Variants in NDUFA10 observed in about 807,000 individuals in gnomAD.
NDUFA10 encodes NADH:ubiquinone oxidoreductase subunit A10, also known as NADH dehydrogenase [ubiquinone] 1 alpha subcomplex subunit 10, mitochondrial.
In NDUFA10, 40 loss-of-function variants were observed where a neutral mutation model predicts 47.8. That is an observed-to-expected ratio of 0.84 (90% CI 0.65 to 1.09). The LOEUF (loss-of-function observed/expected upper bound fraction) is 1.09. Among genes scored for constraint, NDUFA10 ranks in the 50% least tolerant of loss-of-function variants. NDUFA10 has a pLI of 0.00. For synonymous variants in NDUFA10, 183 were observed against 172.2 expected (o/e 1.06, Z -0.49); for missense variants, 413 against 451.1 (o/e 0.92, Z 0.76).
chr2:240,017,970 G>GTCC, intron 4 of NDUFA10: 1 of 1,374,616 alleles, frequency 7.3e-7, no homozygotes, highest in Admixed American at 2.0e-5. Flanking sequence ...GCCCAACACA[G>GTCC]TCCTAGTCAC....
chr2:239,960,798 AT>A lies in NDUFA10; in HGVS notation c.*319del. On this transcript the variant is annotated 3_prime_UTR_variant, in exon 10 of 10. Coordinates refer to ENST00000252711, the MANE Select transcript of NDUFA10 (RefSeq NM_004544.4). ...AAGAAAAACAATGTGCACAACCTGA[AT>A]GACACAGAGCGGCAGCGCTGAAACC... The A allele has an allele frequency of 7.9e-7, 1 of 1,272,182 alleles. No individual in the cohort carries two copies. Among genetic ancestry groups the A allele is most frequent in the Non-Finnish European group, 1.0e-6 (1 of 995,758 alleles). The allele number at this position is 1,272,182 out of a possible 1,614,324, so 78.8% of individuals were successfully genotyped here.
chr2:240,004,561 T>C (rs1696868309), intron 8 of NDUFA10, among the ~76,000 whole-genome samples: 1 of 151,610 alleles, frequency 6.6e-6, no homozygotes, highest in Admixed American at 6.6e-5. Context: ...TCCTGCCCTC[T>C]TCCACCGCGG....
intron 4 of NDUFA10, among the ~76,000 whole-genome samples, chr2:239,931,621 AC>A (rs750150931): frequency 2.3e-4 from 35 of 152,158 alleles, no homozygotes; most frequent in Admixed American, 2.6e-4. Context: ...AGTGCTTGGC[AC>A]ACAGCAGGTG....
At chr2:239,969,002 G>A (rs1004866132) in intron 9 of NDUFA10, among the ~76,000 whole-genome samples, 1 of 152,202 alleles carries the variant, frequency 6.6e-6, no homozygotes, top group Non-Finnish European at 1.5e-5. Context: ...TGACTTGCAA[G>A]TACCTTAACT....
At chr2:240,024,000 C>T (rs1697749871) in intron 1 of NDUFA10, among the ~76,000 whole-genome samples, 1 of 152,248 alleles carries the variant, frequency 6.6e-6, no homozygotes, top group African/African-American at 2.4e-5. Flanking sequence ...TGCTGGCGAG[C>T]ACGCAGAGCA....
chr2:239,972,146 T>C (rs893285921), intron 9 of NDUFA10, among the ~76,000 whole-genome samples: 2 of 46,352 alleles, frequency 4.3e-5, no homozygotes, highest in Non-Finnish European at 8.7e-5. Context: ...GATGTGTGTG[T>C]GTGTGTGTGT....
intron 4 of NDUFA10, among the ~76,000 whole-genome samples, chr2:239,932,704 C>T (rs560597204): frequency 1.3e-4 from 20 of 152,186 alleles, no homozygotes; most frequent in South Asian, 1.0e-3. Flanking sequence ...CTCAGCCTCC[C>T]GAGTAGCTGG....
At chr2:239,920,894 T>G (rs1452879446) in intron 4 of NDUFA10, among the ~76,000 whole-genome samples, 2 of 152,100 alleles carry the variant, frequency 1.3e-5, no homozygotes, top group African/African-American at 4.8e-5. Flanking sequence ...CCTTTAATCT[T>G]TGGGCAACCC....
chr2:240,021,129 T>G (rs755799787), intron 3 of NDUFA10, 68 bp downstream of exon 3: 8 of 1,393,164 alleles, frequency 5.7e-6, no homozygotes, highest in South Asian at 1.2e-5. Context: ...CAGTGGCAAT[T>G]TAACGTGGTT....
intron 1 of NDUFA10, among the ~76,000 whole-genome samples, chr2:240,022,573 C>T (rs1559410476): frequency 6.6e-6 from 1 of 151,942 alleles, no homozygotes; most frequent in Non-Finnish European, 1.5e-5. Flanking sequence ...AATCCTCAGG[C>T]CCTGGAACAA....
chr2:239,919,524 T>G (rs575737185), intron 4 of NDUFA10, among the ~76,000 whole-genome samples: 1 of 94,668 alleles, frequency 1.1e-5, no homozygotes, highest in Non-Finnish European at 2.0e-5. Flanking sequence ...CGGGGTAAGT[T>G]GAAGGAATAA....
intron 4 of NDUFA10, among the ~76,000 whole-genome samples, chr2:239,911,179 C>T (rs1429114200): frequency 6.6e-6 from 1 of 152,222 alleles, no homozygotes; most frequent in Non-Finnish European, 1.5e-5. Flanking sequence ...AGCAACACCA[C>T]TTACTACTGT....
At position 239,959,925 on chromosome 2, in the gene NDUFA10, C is replaced by T. The variant is rs2106391648; in HGVS notation, c.*1193G>A. 1 of 985,478 alleles carries T rather than the reference C, an allele frequency of 1.0e-6. No homozygotes were observed. The highest frequency in any genetic ancestry group is 1.2e-6 in the Non-Finnish European group (1 of 829,946). 61.0% of individuals were successfully genotyped at this position (985,478 alleles called of 1,614,324 possible). A position where few individuals can be genotyped will look rare whatever the true frequency, so the allele number is the denominator to read the frequency against. On this transcript the variant is annotated 3_prime_UTR_variant, in exon 10 of 10. Transcript: ENST00000252711. ...CTTCGCATGCTCCGCAGCAGCGAGGCCTGGTAGAGCTTCCGCGGGGAGCAG... is the reference window on the plus strand; with the variant it reads ...CTTCGCATGCTCCGCAGCAGCGAGGTCTGGTAGAGCTTCCGCGGGGAGCAG...
At chr2:240,022,480 G>T (rs1574903497) in intron 1 of NDUFA10, 140 bp from the exon 2 acceptor site, 1 of 1,294,718 alleles carries the variant, frequency 7.7e-7, no homozygotes, top group Non-Finnish European at 1.1e-6. Context: ...CTATTAATTT[G>T]TTTAATTATC....
At chr2:239,963,317 G>A (rs150627598) in intron 9 of NDUFA10, among the ~76,000 whole-genome samples, 125 of 152,338 alleles carry the variant, frequency 8.2e-4, no homozygotes, top group Non-Finnish European at 1.4e-3. Flanking sequence ...CCAGGGAGGC[G>A]TCAGGAGAGT....
intron 9 of NDUFA10, among the ~76,000 whole-genome samples, chr2:239,964,065 T>C (rs913044350): frequency 1.3e-5 from 2 of 152,198 alleles, no homozygotes; most frequent in African/African-American, 2.4e-5. Flanking sequence ...CGTATGTCTA[T>C]GCCTGCACGC....
At chr2:239,969,679 T>A (rs1695232843) in intron 9 of NDUFA10, 1 of 471,386 alleles carries the variant, frequency 2.1e-6, no homozygotes, top group South Asian at 1.5e-5. Flanking sequence ...CATCTCAGAC[T>A]TCCTCTCCCC....
intron 4 of NDUFA10, among the ~76,000 whole-genome samples, chr2:239,920,610 T>A (rs1002399246): frequency 2.6e-5 from 4 of 152,180 alleles, no homozygotes; most frequent in African/African-American, 9.7e-5. Context: ...TCCGTCTCCT[T>A]AACTTCCCTA....
chr2:239,928,769 T>C lies in NDUFA10; in HGVS notation c.295-33455A>G, dbSNP rs1351363237. Among the ~76,000 whole-genome samples, 2 of 152,054 alleles carry C rather than the reference T, an allele frequency of 1.3e-5. No homozygotes were observed. The highest frequency in any genetic ancestry group is 1.3e-4 in the Admixed American group (2 of 15,270). On this transcript the variant is annotated intron_variant, in intron 4 of 5. Transcript: ENST00000419408. The surrounding 1 kb of genome is among the most constrained non-coding windows in gnomAD (Gnocchi z 4.3). ...AGACCCTTCCGCGTTCCCTGCAGCG[T>C]CCCTTCCAAACAGGTGGTATCCGTG...
Sources: allele counts gnomAD v4.1 joint callset (sites outside exome capture counted in the v4.1 genomes callset), GRCh38; gene constraint gnomAD v4.1.1; non-coding constraint Gnocchi (gnomAD v3.1); transcripts MANE v1.5; gene names NCBI Gene and HGNC (gene_info 2026-07-23, HGNC 2026-07-21).